QTGAL: variants seen among roughly 807,000 people sequenced by gnomAD.
QTGAL encodes BGnT-like protein 1.
At chr17:82,964,405 G>T in the QTGAL span, among the ~76,000 whole-genome samples, 13 of 152,206 alleles carry the variant, frequency 8.5e-5, no homozygotes, top group African/African-American at 3.1e-4. Flanking sequence ...AGTGAAAAGG[G>T]TTAGAAAGAC....
the QTGAL span, chr17:82,947,311 CA>C: frequency 1.2e-4 from 41 of 340,914 alleles, no homozygotes; most frequent in South Asian, 7.3e-4. Context: ...TTGACCAGGG[CA>C]GACCCACCTT....
the QTGAL span, among the ~76,000 whole-genome samples, chr17:83,002,887 TCC>T: frequency 1.7e-5 from 1 of 58,360 alleles, no homozygotes; most frequent in South Asian, 6.1e-4. Context: ...GAGCCCGCCC[TCC>T]GCGTGTGGGA....
At chr17:82,984,467 ACG>A in the QTGAL span, among the ~76,000 whole-genome samples, 2 of 73,604 alleles carry the variant, frequency 2.7e-5, no homozygotes, top group East Asian at 5.2e-4. Context: ...GGGAGAGACC[ACG>A]TGATTATGCA....
chr17:82,968,828 C>G, the QTGAL span, among the ~76,000 whole-genome samples: 1 of 152,020 alleles, frequency 6.6e-6, no homozygotes, highest in Non-Finnish European at 1.5e-5. Flanking sequence ...GGAGAAACCC[C>G]GTCTTTACTA....
At chr17:82,946,806 A>G in the QTGAL span, 2 of 1,238,228 alleles carry the variant, frequency 1.6e-6, no homozygotes, top group Non-Finnish European at 1.1e-6. Context: ...AAATTAGAAT[A>G]AGAGCAGAAT....
At chr17:83,012,569 A>G in the QTGAL span, among the ~76,000 whole-genome samples, 9 of 152,196 alleles carry the variant, frequency 5.9e-5, no homozygotes, top group Non-Finnish European at 1.2e-4. Flanking sequence ...GGGCCGGCAC[A>G]GGGTCTGCTC....
chr17:83,033,870 A>C, the QTGAL span, among the ~76,000 whole-genome samples: 2 of 152,200 alleles, frequency 1.3e-5, no homozygotes, highest in East Asian at 3.9e-4. Context: ...TAGAAAGTTT[A>C]TTAGTTGTTT....
At chr17:82,944,111 T>TA in the QTGAL span, 1 of 152,246 alleles carries the variant, frequency 6.6e-6, no homozygotes, top group African/African-American at 2.4e-5. Flanking sequence ...TTAGTGCAAT[T>TA]AAAAGAAGAT....
At chr17:83,045,447 C>T in the QTGAL span, among the ~76,000 whole-genome samples, 2 of 152,126 alleles carry the variant, frequency 1.3e-5, no homozygotes, top group Admixed American at 1.3e-4. Context: ...AGATCAAAGG[C>T]CTAAATATAA....
At chr17:83,026,705 G>T in the QTGAL span, among the ~76,000 whole-genome samples, 1 of 123,906 alleles carries the variant, frequency 8.1e-6, no homozygotes, top group African/African-American at 3.1e-5. Flanking sequence ...ACCCACCCTC[G>T]ACAGACACGC....
chr17:82,990,558 C>T, the QTGAL span, among the ~76,000 whole-genome samples: 1 of 152,254 alleles, frequency 6.6e-6, no homozygotes, highest in Non-Finnish European at 1.5e-5. Flanking sequence ...ACTTGAAATT[C>T]ACTTACAGAA....
the QTGAL span, chr17:82,945,233 G>A: frequency 2.0e-5 from 3 of 152,228 alleles, no homozygotes; most frequent in Admixed American, 6.5e-5. Context: ...TGGAAGATCT[G>A]AAAACATTAT....
chr17:82,970,117 G>A, the QTGAL span, among the ~76,000 whole-genome samples: 3 of 152,186 alleles, frequency 2.0e-5, no homozygotes, highest in African/African-American at 7.2e-5. Flanking sequence ...CTTCTGCGTC[G>A]TGACAGGTGG....
At chr17:82,949,769 A>T in the QTGAL span, 4 of 152,220 alleles carry the variant, frequency 2.6e-5, no homozygotes, top group Admixed American at 2.6e-4. Context: ...AGATTTGAAC[A>T]TCGATGGGAT....
chr17:82,970,317 C>T, the QTGAL span, among the ~76,000 whole-genome samples: 4 of 152,246 alleles, frequency 2.6e-5, no homozygotes, highest in African/African-American at 7.2e-5. Flanking sequence ...AACATCTGCC[C>T]GGACAAATAC....
chr17:83,030,366 G>A, the QTGAL span, among the ~76,000 whole-genome samples: 1 of 152,318 alleles, frequency 6.6e-6, no homozygotes, highest in South Asian at 2.1e-4. Flanking sequence ...AAAACCACAG[G>A]TGGGAAAGTA....
the QTGAL span, among the ~76,000 whole-genome samples, chr17:82,962,573 G>GC: frequency 1.7e-5 from 2 of 118,418 alleles, no homozygotes; most frequent in African/African-American, 5.9e-5. Context: ...TAGGGTGGAG[G>GC]TTCCTGTGGG....
the QTGAL span, among the ~76,000 whole-genome samples, chr17:83,016,722 A>C: frequency 7.3e-6 from 1 of 137,356 alleles, no homozygotes; most frequent in Non-Finnish European, 1.6e-5. Context: ...AGGAGAGAGG[A>C]GAAGGGAGGA....
the QTGAL span, among the ~76,000 whole-genome samples, chr17:83,003,289 C>T: frequency 6.3e-4 from 28 of 44,680 alleles, 3 homozygotes; most frequent in African/African-American, 3.4e-3. Context: ...ATTCCTGAGC[C>T]CGCCCTCCCG....
Sources: gnomAD v4.1 joint callset for allele counts (sites outside exome capture counted in the v4.1 genomes callset) on GRCh38, gnomAD v4.1.1 for gene constraint, MANE v1.5 for transcripts, NCBI Gene and HGNC (gene_info 2026-07-23, HGNC 2026-07-21) for gene names.